PLEKHA6: variants seen among roughly 807,000 people sequenced by gnomAD.
PLEKHA6 encodes the protein pleckstrin homology domain-containing family A member 6.
PLEKHA6 carries 60 observed loss-of-function variants against 116.7 expected under a neutral mutation model. That is an observed-to-expected ratio of 0.51 (90% confidence interval 0.42 to 0.64). The LOEUF (loss-of-function observed/expected upper bound fraction) is 0.64, where lower values mean the gene tolerates loss of function less well. Ranked by LOEUF, PLEKHA6 falls within the 30% of genes least tolerant of loss-of-function variation. The pLI is 0.00. For missense variants in PLEKHA6, 1,338 were observed against 1,422.7 expected (o/e 0.94, Z 0.96); for synonymous variants, 489 against 556.1 (o/e 0.88, Z 1.70).
chr1:204,229,641 C>G (rs143538963), intron 18 of PLEKHA6, among the ~76,000 whole-genome samples: 50 of 152,244 alleles, frequency 3.3e-4, no homozygotes, highest in Non-Finnish European at 6.3e-4. Context: ...TCTCAGACTC[C>G]TGGTCTCAAA....
In PLEKHA6 at chr1:204,257,517, G is replaced by A. The variant is rs1354016578; in HGVS notation, c.1360C>T (p.His454Tyr). The part of the protein sequence containing the change: ...LRRLSLQPRS[H>Y]SVPRSPSQGS... ...TGGCTGGGTGAGCGGGGCACAGAGTGGGAGCGGGGCTGCAGGGACAGGCGG... is the reference window on the plus strand; with the variant it reads ...TGGCTGGGTGAGCGGGGCACAGAGTAGGAGCGGGGCTGCAGGGACAGGCGG... Residue 454 changes from histidine (H) to tyrosine (Y), a missense_variant, in exon 9 of 23, where the codon CAC (histidine) becomes TAC (tyrosine). His to Tyr is a moderately conservative substitution (Grantham distance 83). Transcript: ENST00000272203. This position sits in a 1 kb window ranked among gnomAD's most constrained non-coding sequence, Gnocchi z 6.5. 1 of 1,591,294 alleles carries A rather than the reference G, an allele frequency of 6.3e-7. No homozygotes were observed. Among genetic ancestry groups the A allele is most frequent in the African/African-American group, 1.3e-5 (1 of 74,774 alleles).
At chr1:204,265,261 C>T (rs1287093371) in intron 5 of PLEKHA6, among the ~76,000 whole-genome samples, 1 of 152,220 alleles carries the variant, frequency 6.6e-6, no homozygotes, top group Non-Finnish European at 1.5e-5. Flanking sequence ...CTGTTCCAGA[C>T]ACTGGGACTA....
chr1:204,357,574 G>A (rs1673449834), intron 1 of PLEKHA6, among the ~76,000 whole-genome samples: 1 of 152,226 alleles, frequency 6.6e-6, no homozygotes. Context: ...CCAGAGCTCA[G>A]GGGAGTGCGA....
At chr1:204,237,379 A>G (rs1662212646) in intron 17 of PLEKHA6, among the ~76,000 whole-genome samples, 1 of 152,216 alleles carries the variant, frequency 6.6e-6, no homozygotes, top group Non-Finnish European at 1.5e-5. Context: ...ATCAAAAACA[A>G]TATCACATCC....
At position 204,292,135 on chromosome 1, in the gene PLEKHA6, T is replaced by A. The variant is rs542359511; in HGVS notation, c.-94-17326A>T. The stretch of plus-strand genomic sequence containing the variant: ...CTTCTCATGGATTTAGATCAAATAA[T>A]GTAGCAGACCTGAATACGGTCTTCA... On this transcript the variant is annotated intron_variant, in intron 1 of 22. Transcript: ENST00000272203. Among the ~76,000 whole-genome samples, 4 of 152,338 alleles carry A rather than the reference T, an allele frequency of 2.6e-5. No individual in the cohort carries two copies. The East Asian group carries it at 7.7e-4, about 29-fold the overall frequency.
At chr1:204,308,687 C>CTTTTTTT (rs60251937) in intron 1 of PLEKHA6, among the ~76,000 whole-genome samples, 27,049 of 81,124 alleles carry the variant, frequency 0.33, 6,173 homozygotes, top group African/African-American at 0.37. Flanking sequence ...TTTTCTTTTT[C>CTTTTTTT]TTTTTTTTTT....
At position 204,261,183 on chromosome 1, in the gene PLEKHA6, C is replaced by T; in HGVS notation, c.524+123G>A. ...CTCCCGCCTGGATGCAAGGAGACGG[C>T]TCACACATTCTCCAGGGCTTCAAGT... On this transcript the variant is annotated intron_variant, in intron 7 of 22. Transcript: ENST00000272203. The surrounding 1 kb of genome is among the most constrained non-coding windows in gnomAD (Gnocchi z 4.0). The T allele has an allele frequency of 8.4e-7, 1 of 1,191,114 alleles. No individual in the cohort carries two copies. Among genetic ancestry groups the T allele is most frequent in the Non-Finnish European group, 1.2e-6 (1 of 809,552 alleles). 73.8% of individuals were successfully genotyped at this position (1,191,114 alleles called of 1,614,324 possible).
intron 1 of PLEKHA6, among the ~76,000 whole-genome samples, chr1:204,376,845 A>G (rs545651169): frequency 9.9e-4 from 151 of 152,330 alleles, no homozygotes; most frequent in African/African-American, 3.4e-3. Context: ...TAGACTTGCT[A>G]TATTTCTGGA....
chr1:204,340,749 G>A (rs1387506177), intron 1 of PLEKHA6, among the ~76,000 whole-genome samples: 1 of 152,224 alleles, frequency 6.6e-6, no homozygotes, highest in African/African-American at 2.4e-5. Flanking sequence ...AGATGCAAGA[G>A]AAGGCCTCAG....
chr1:204,291,343 C>G (rs1296065641), intron 1 of PLEKHA6, among the ~76,000 whole-genome samples: 1 of 152,182 alleles, frequency 6.6e-6, no homozygotes, highest in East Asian at 1.9e-4. Flanking sequence ...AATGGTACAT[C>G]CTGCTTTAGA....
Position 204,259,202 on chromosome 1 carries a change from G to C in PLEKHA6, c.1007+56C>G, listed in dbSNP as rs543624357. 47 of 1,563,202 alleles carry C rather than the reference G, an allele frequency of 3.0e-5. No homozygotes were observed. Among genetic ancestry groups the C allele is most frequent in the Non-Finnish European group, 2.7e-5 (31 of 1,154,068 alleles). On this transcript the variant is annotated intron_variant, in intron 8 of 22. Coordinates refer to ENST00000272203, the MANE Select transcript of PLEKHA6 (RefSeq NM_014935.5). The surrounding 1 kb of genome is among the most constrained non-coding windows in gnomAD (Gnocchi z 4.6). ...TGCCTCGTGGGCTATGACCCCACTCGCACGCTCTAGCCATAATACCATATC... is the reference window on the plus strand; with the variant it reads ...TGCCTCGTGGGCTATGACCCCACTCCCACGCTCTAGCCATAATACCATATC...
chr1:204,221,718 C>A lies in PLEKHA6; in HGVS notation c.*1070G>T. The A allele has an allele frequency of 6.5e-6, 1 of 152,708 alleles. No individual in the cohort carries two copies. Among genetic ancestry groups the A allele is most frequent in the Non-Finnish European group, 1.5e-5 (1 of 68,372 alleles). 9.5% of individuals were successfully genotyped at this position (152,708 alleles called of 1,614,324 possible). A position where few individuals can be genotyped will look rare whatever the true frequency, so the allele number is the denominator to read the frequency against. On this transcript the variant is annotated 3_prime_UTR_variant, in exon 23 of 23. Transcript: ENST00000272203. The stretch of plus-strand genomic sequence containing the variant: ...ACAAGTCCTTCTCTCTGCCCCTTAC[C>A]CCAGGATGGCGAGGCAGACACCAGG...
At chr1:204,362,248 G>A (rs112005878), upstream of PLEKHA6, among the ~76,000 whole-genome samples, 5,259 of 152,246 alleles carry the variant, frequency 0.035, 92 homozygotes, top group East Asian at 0.046. Flanking sequence ...CTTGCTCTGC[G>A]AGCCCAGAAG....
At chr1:204,287,722 C>A (rs772049485) in intron 1 of PLEKHA6, among the ~76,000 whole-genome samples, 60 of 152,110 alleles carry the variant, frequency 3.9e-4, no homozygotes, top group Admixed American at 5.9e-4. Context: ...GGAAATCGGC[C>A]CACAAGAGAG....
chr1:204,237,986 G>A (rs1422469555), intron 17 of PLEKHA6, among the ~76,000 whole-genome samples: 1 of 152,228 alleles, frequency 6.6e-6, no homozygotes, highest in Non-Finnish European at 1.5e-5. Context: ...GGGTACAGTG[G>A]TATGGGGCCT....
At chr1:204,336,967 C>T (rs1021662782) in intron 1 of PLEKHA6, among the ~76,000 whole-genome samples, 3 of 152,206 alleles carry the variant, frequency 2.0e-5, no homozygotes, top group African/African-American at 7.2e-5. Context: ...GCTGCTCCTC[C>T]AAAGGACTAG....
chr1:204,269,967 T>C (rs1381875157), intron 3 of PLEKHA6, among the ~76,000 whole-genome samples: 1 of 152,174 alleles, frequency 6.6e-6, no homozygotes, highest in African/African-American at 2.4e-5. Flanking sequence ...AGGTAATACC[T>C]TCCCTTACTT....
rs1355545186 is a variant in PLEKHA6, at chr1:204,238,572, A to G, written c.2409+2803T>C. Among the ~76,000 whole-genome samples, 6 of 152,218 alleles carry G rather than the reference A, an allele frequency of 3.9e-5. No homozygotes were observed. The highest frequency in any genetic ancestry group is 1.2e-4 in the African/African-American group (5 of 41,458). On this transcript the variant is annotated intron_variant, in intron 17 of 22. Transcript: ENST00000272203. This position sits in a 1 kb window ranked among gnomAD's most constrained non-coding sequence, Gnocchi z 4.2. ...TTCCATCATCAAATGGAAGTGGTAT[A>G]TATGTGATCAGGCTCGAGCAGGTCC...
chr1:204,326,502 C>T (rs1672250214), intron 1 of PLEKHA6, among the ~76,000 whole-genome samples: 1 of 152,134 alleles, frequency 6.6e-6, no homozygotes, highest in South Asian at 2.1e-4. Context: ...CCAGTCCATG[C>T]CACCTCCCAA....
Sources: allele counts gnomAD v4.1 joint callset (sites outside exome capture counted in the v4.1 genomes callset), GRCh38; gene constraint gnomAD v4.1.1; non-coding constraint Gnocchi (gnomAD v3.1); transcripts MANE v1.5; gene names NCBI Gene and HGNC (gene_info 2026-07-23, HGNC 2026-07-21).